Variants in CSMD1 observed in about 807,000 individuals in gnomAD.
CSMD1 encodes the protein CUB and Sushi multiple domains 1, also known as CUB and sushi domain-containing protein 1.
Under a neutral mutation model 417.5 loss-of-function variants are expected in CSMD1, and 213 were observed. The observed-to-expected ratio is 0.51, with a 90% CI of 0.46 to 0.57. The LOEUF is 0.57. Ranked by LOEUF, CSMD1 falls within the 20% of genes least tolerant of loss-of-function variation. CSMD1 has a pLI of 0.00. For synonymous variants in CSMD1, 2,862 were observed against 1,736.8 expected, an observed-to-expected ratio of 1.65 and a Z score of -16.11; for missense variants, 6,923 against 4,529.7, an observed-to-expected ratio of 1.53 and a Z score of -15.17.
At chr8:4,871,831 G>A (rs1017891285) in intron 1 of CSMD1, among the ~76,000 whole-genome samples, 3 of 152,020 alleles carry the variant, frequency 2.0e-5, no homozygotes, top group African/African-American at 7.3e-5. Context: ...CAGAGGACAG[G>A]CAGGTTCTGT....
At chr8:4,041,775 G>C (rs887523318) in intron 3 of CSMD1, among the ~76,000 whole-genome samples, 1 of 151,992 alleles carries the variant, frequency 6.6e-6, no homozygotes, top group African/African-American at 2.4e-5. Context: ...GTTGTCTTGA[G>C]ACATGGGAAA....
chr8:4,892,450 T>C (rs1220650195), intron 1 of CSMD1, among the ~76,000 whole-genome samples: 2 of 152,060 alleles, frequency 1.3e-5, no homozygotes, highest in South Asian at 2.1e-4. Flanking sequence ...TATAAAAAAA[T>C]AGGTTCATGT....
intron 5 of CSMD1, among the ~76,000 whole-genome samples, chr8:3,933,494 CTTCT>C (rs1810291004): frequency 6.6e-6 from 1 of 152,064 alleles, no homozygotes; most frequent in African/African-American, 2.4e-5. Context: ...CAGCCATGGT[CTTCT>C]TTAACAGAGA....
intron 5 of CSMD1, among the ~76,000 whole-genome samples, chr8:3,850,201 A>G (rs970106200): frequency 6.6e-6 from 1 of 152,256 alleles, no homozygotes; most frequent in African/African-American, 2.4e-5. Context: ...GACTGTTTAC[A>G]CTTTTCTTTA....
intron 5 of CSMD1, among the ~76,000 whole-genome samples, chr8:3,847,231 A>T (rs1803567657): frequency 6.6e-6 from 1 of 152,132 alleles, no homozygotes; most frequent in African/African-American, 2.4e-5. Flanking sequence ...GGCAAAGGTG[A>T]AGACATTTTG....
At chr8:3,685,337 C>G (rs1426188103) in intron 7 of CSMD1, among the ~76,000 whole-genome samples, 1 of 152,078 alleles carries the variant, frequency 6.6e-6, no homozygotes, top group Admixed American at 6.6e-5. Flanking sequence ...TTTTTTGAAT[C>G]TTCATTACAC....
At chr8:3,217,385 G>T (rs1324741916) in intron 29 of CSMD1, among the ~76,000 whole-genome samples, 1 of 152,216 alleles carries the variant, frequency 6.6e-6, no homozygotes, top group Non-Finnish European at 1.5e-5. Flanking sequence ...AACCTGTAAG[G>T]CCCTTCATAC....
At chr8:4,225,001 A>G (rs761652106) in intron 3 of CSMD1, among the ~76,000 whole-genome samples, 1 of 152,214 alleles carries the variant, frequency 6.6e-6, no homozygotes, top group Non-Finnish European at 1.5e-5. Context: ...AATCCCAGCT[A>G]TTGGGGAGGC....
rs1045093202 is a variant in CSMD1, at chr8:4,130,494, T to G, written c.416-98395A>C. Among the ~76,000 whole-genome samples, 11 of 152,226 alleles carry G rather than the reference T, an allele frequency of 7.2e-5. 1 individual carries two copies. The highest frequency in any genetic ancestry group is 9.6e-5 in the African/African-American group (4 of 41,544). On this transcript the variant is annotated intron_variant, in intron 3 of 69. Transcript: ENST00000635120. ...GCTTTTGAGTGTACCCTGAGGCGAG[T>G]TGATTTGATTCTTGGCTTTCTGAAG...
At chr8:3,092,869 G>A (rs1374085119) in intron 47 of CSMD1, among the ~76,000 whole-genome samples, 1 of 151,670 alleles carries the variant, frequency 6.6e-6, no homozygotes, top group African/African-American at 2.4e-5. Context: ...TCACTCCTAG[G>A]GAACACATTA....
chr8:3,820,096 A>G (rs1801641995), intron 5 of CSMD1, among the ~76,000 whole-genome samples: 1 of 152,170 alleles, frequency 6.6e-6, no homozygotes, highest in Admixed American at 6.5e-5. Context: ...CATTTTCTTC[A>G]GGGACAGATG....
At chr8:3,547,264 AC>A (rs1798706728) in intron 10 of CSMD1, among the ~76,000 whole-genome samples, 1 of 152,258 alleles carries the variant, frequency 6.6e-6, no homozygotes, top group African/African-American at 2.4e-5. Flanking sequence ...AGCACCAAGA[AC>A]AAAGACAGAA....
At chr8:3,729,253 G>C (rs546422436) in intron 6 of CSMD1, among the ~76,000 whole-genome samples, 45 of 152,278 alleles carry the variant, frequency 3.0e-4, no homozygotes, top group African/African-American at 1.1e-3. Context: ...TTTAATGACT[G>C]ACGGCTTGCT....
At chr8:4,213,548 T>C (rs762176987) in intron 3 of CSMD1, among the ~76,000 whole-genome samples, 3 of 152,196 alleles carry the variant, frequency 2.0e-5, no homozygotes, top group Non-Finnish European at 2.9e-5. Context: ...ACACAACGTC[T>C]AGAAATAAAA....
chr8:4,111,805 G>C (rs1188683254), intron 3 of CSMD1, among the ~76,000 whole-genome samples: 1 of 152,106 alleles, frequency 6.6e-6, no homozygotes, highest in Non-Finnish European at 1.5e-5. Flanking sequence ...AGGATAAATA[G>C]CTAATACATA....
intron 40 of CSMD1, among the ~76,000 whole-genome samples, chr8:3,146,422 A>C (rs1476671155): frequency 3.9e-5 from 6 of 152,144 alleles, no homozygotes; most frequent in Admixed American, 3.9e-4. Context: ...GCACTTAAAT[A>C]ATACCCTATT....
At chr8:4,797,461 T>A (rs1393392797) in intron 1 of CSMD1, among the ~76,000 whole-genome samples, 2 of 152,290 alleles carry the variant, frequency 1.3e-5, no homozygotes, top group Non-Finnish European at 2.9e-5. Context: ...TAGGTCATGT[T>A]TTTATTATGT....
chr8:3,538,456 G>T (rs1798296799), intron 10 of CSMD1, among the ~76,000 whole-genome samples: 1 of 152,014 alleles, frequency 6.6e-6, no homozygotes, highest in Non-Finnish European at 1.5e-5. Flanking sequence ...ATGCACCTGA[G>T]ATGCCTCACC....
chr8:3,292,631 C>A (rs1029425078), intron 25 of CSMD1, among the ~76,000 whole-genome samples: 4 of 152,098 alleles, frequency 2.6e-5, no homozygotes, highest in Non-Finnish European at 5.9e-5. Context: ...TCTGTTTTAT[C>A]AGAGACTAGG....
Sources: gnomAD v4.1 joint callset for allele counts (sites outside exome capture counted in the v4.1 genomes callset) on GRCh38, gnomAD v4.1.1 for gene constraint, MANE v1.5 for transcripts, NCBI Gene and HGNC (gene_info 2026-07-23, HGNC 2026-07-21) for gene names.